Variants in GRID2 observed in about 807,000 individuals in gnomAD.
GRID2 encodes the protein glutamate ionotropic receptor delta type subunit 2.
In GRID2, 33 loss-of-function variants were observed where a neutral mutation model predicts 114.8. The observed-to-expected ratio is 0.29, with a 90% CI of 0.22 to 0.38. The LOEUF (loss-of-function observed/expected upper bound fraction) is 0.38, where lower values mean the gene tolerates loss of function less well. Among genes scored for constraint, GRID2 ranks in the 10% least tolerant of loss-of-function variants. The pLI is 1.00. For missense variants in GRID2, 1,184 were observed against 1,257.7 expected, an observed-to-expected ratio of 0.94 and a Z score of 0.89; for synonymous variants, 505 against 449.9, an observed-to-expected ratio of 1.12 and a Z score of -1.55.
chr4:92,509,226 A>G (rs912292289), intron 1 of GRID2, among the ~76,000 whole-genome samples: 2 of 151,974 alleles, frequency 1.3e-5, no homozygotes, highest in Non-Finnish European at 2.9e-5. Flanking sequence ...AACTTCAGAA[A>G]AAAACATAAC....
chr4:92,578,255 C>G (rs1265240369), intron 1 of GRID2, among the ~76,000 whole-genome samples: 1 of 135,056 alleles, frequency 7.4e-6, no homozygotes, highest in Non-Finnish European at 1.6e-5. Flanking sequence ...TCTCCTAATG[C>G]TATCCCTCCC....
chr4:92,669,025 C>G (rs1447953346), intron 2 of GRID2, among the ~76,000 whole-genome samples: 1 of 151,790 alleles, frequency 6.6e-6, no homozygotes, highest in African/African-American at 2.4e-5. Flanking sequence ...TGTTTCTTCA[C>G]TCTTGCGATG....
chr4:93,793,940 T>C (rs1004356745), intron 1 of GRID2, among the ~76,000 whole-genome samples: 9 of 152,136 alleles, frequency 5.9e-5, no homozygotes, highest in African/African-American at 2.2e-4. Flanking sequence ...TTCCCTCTTT[T>C]CAGGGGTCAG....
At chr4:92,443,638 G>A (rs975554427) in intron 1 of GRID2, among the ~76,000 whole-genome samples, 5 of 152,080 alleles carry the variant, frequency 3.3e-5, no homozygotes, top group East Asian at 1.9e-4. Flanking sequence ...GGGACTTGCC[G>A]CTAAGAGTGA....
At chr4:93,094,745 A>C (rs1053945834) in intron 3 of GRID2, among the ~76,000 whole-genome samples, 3 of 152,060 alleles carry the variant, frequency 2.0e-5, no homozygotes, top group Non-Finnish European at 2.9e-5. Context: ...ATTAAACCTA[A>C]TTAGTATCTA....
intron 1 of GRID2, among the ~76,000 whole-genome samples, chr4:92,450,072 T>G (rs1720821004): frequency 6.6e-6 from 1 of 152,056 alleles, no homozygotes; most frequent in South Asian, 2.1e-4. Flanking sequence ...TTTTCAACTT[T>G]GCTAAGTTTG....
At chr4:93,728,280 A>G (rs1560950407) in intron 14 of GRID2, among the ~76,000 whole-genome samples, 2 of 152,082 alleles carry the variant, frequency 1.3e-5, no homozygotes, top group Non-Finnish European at 2.9e-5. Flanking sequence ...TTCAGTTTCC[A>G]TGTACTTGAG....
At chr4:92,366,414 T>G (rs1225875040) in intron 1 of GRID2, among the ~76,000 whole-genome samples, 1 of 151,958 alleles carries the variant, frequency 6.6e-6, no homozygotes, top group African/African-American at 2.4e-5. Flanking sequence ...ATAGGCATAA[T>G]AGTATACATT....
At chr4:92,949,612 A>C (rs913138069) in intron 2 of GRID2, among the ~76,000 whole-genome samples, 3 of 151,466 alleles carry the variant, frequency 2.0e-5, no homozygotes, top group African/African-American at 7.3e-5. Context: ...TTTAGCAATG[A>C]TCTAGTATGA....
intron 2 of GRID2, among the ~76,000 whole-genome samples, chr4:92,990,256 T>G (rs1175984725): frequency 6.8e-6 from 1 of 147,052 alleles, no homozygotes; most frequent in Non-Finnish European, 1.5e-5. Flanking sequence ...GTGTGATATA[T>G]GTATATATAT....
At chr4:93,767,392 A>G (rs886553955) in intron 14 of GRID2, among the ~76,000 whole-genome samples, 2 of 152,212 alleles carry the variant, frequency 1.3e-5, no homozygotes, top group African/African-American at 2.4e-5. Flanking sequence ...TAAGGGTGAC[A>G]TATAACCCAT....
intron 14 of GRID2, among the ~76,000 whole-genome samples, chr4:93,718,145 T>C (rs17021065): frequency 0.042 from 6,412 of 152,262 alleles, 216 homozygotes; most frequent in African/African-American, 0.084. Context: ...TGCTTTGTAG[T>C]TGATCAATGA....
intron 1 of GRID2, among the ~76,000 whole-genome samples, chr4:92,402,806 A>T (rs1468842285): frequency 6.6e-6 from 1 of 152,202 alleles, no homozygotes; most frequent in Non-Finnish European, 1.5e-5. Context: ...AGTCTCTAAC[A>T]AGAGAGTCAG....
At position 92,688,037 on chromosome 4, in the gene GRID2, C is replaced by CCTTTTTTTT. The variant is rs1553916864; in HGVS notation, c.244+97751_244+97752insCTTTTTTTT. On this transcript the variant is annotated intron_variant, in intron 2 of 15. Coordinates refer to ENST00000282020, the MANE Select transcript of GRID2 (RefSeq NM_001510.4). ...GCCACATTGGTTGACCCTTCTTCTT[C>CCTTTTTTTT]TTTTTTTTTTTTTTTTTTTTTTTTT... Among the ~76,000 whole-genome samples the CCTTTTTTTT allele has an allele frequency of 4.5e-3, 202 of 44,654 alleles. 8 individuals are homozygous for CCTTTTTTTT. Among genetic ancestry groups the CCTTTTTTTT allele is most frequent in the Middle Eastern group, 0.021 (1 of 48 alleles). The allele number at this position is 44,654 out of a possible 152,430, so 29.3% of individuals were successfully genotyped here.
chr4:93,723,892 A>C (rs1333949958), intron 14 of GRID2, among the ~76,000 whole-genome samples: 2 of 152,350 alleles, frequency 1.3e-5, no homozygotes, highest in East Asian at 3.9e-4. Flanking sequence ...AATTAAAGGC[A>C]GACTACATTC....
intron 2 of GRID2, among the ~76,000 whole-genome samples, chr4:93,066,945 G>T (rs1222317703): frequency 6.6e-6 from 1 of 151,922 alleles, no homozygotes; most frequent in Non-Finnish European, 1.5e-5. Flanking sequence ...TGTACAGTGT[G>T]GATGATTCAC....
intron 8 of GRID2, among the ~76,000 whole-genome samples, chr4:93,248,792 T>C (rs1209750067): frequency 6.6e-6 from 1 of 152,168 alleles, no homozygotes; most frequent in African/African-American, 2.4e-5. Context: ...TAATGCATAA[T>C]TGGAATTGTA....
intron 2 of GRID2, among the ~76,000 whole-genome samples, chr4:93,054,532 G>C (rs1213659154): frequency 6.6e-6 from 1 of 151,882 alleles, no homozygotes; most frequent in Non-Finnish European, 1.5e-5. Flanking sequence ...TTTGGAGCAT[G>C]TGGTAAACTT....
chr4:93,655,311 C>G (rs1722908043), intron 14 of GRID2, among the ~76,000 whole-genome samples: 1 of 152,072 alleles, frequency 6.6e-6, no homozygotes, highest in African/African-American at 2.4e-5. Flanking sequence ...ACAGAAAAAT[C>G]TAAGCTGTGT....
Sources: allele counts gnomAD v4.1 joint callset (sites outside exome capture counted in the v4.1 genomes callset), GRCh38; gene constraint gnomAD v4.1.1; transcripts MANE v1.5; gene names NCBI Gene and HGNC (gene_info 2026-07-23, HGNC 2026-07-21).